NADK: variants seen among roughly 807,000 people sequenced by gnomAD.
NADK encodes the protein poly(P)/ATP NAD kinase.
NADK carries 22 observed loss-of-function variants against 49.8 expected under a neutral mutation model. The observed-to-expected ratio is 0.44, with a 90% CI of 0.32 to 0.63. The LOEUF (loss-of-function observed/expected upper bound fraction) is 0.63. Among genes scored for constraint, NADK ranks in the 30% least tolerant of loss-of-function variants. The pLI, the probability that NADK is intolerant of heterozygous loss-of-function variation, is 0.06. For synonymous variants in NADK, 268 were observed against 253.7 expected (o/e 1.06, Z -0.54); for missense variants, 438 against 609.4 (o/e 0.72, Z 2.96).
At position 1,766,754 on chromosome 1, in the gene NADK, A is replaced by G. The variant is rs371588761; in HGVS notation, c.-40-1308T>C. Among the ~76,000 whole-genome samples, 47 of 150,588 alleles carry G rather than the reference A, an allele frequency of 3.1e-4. No individual in the cohort carries two copies. The East Asian group carries it at 8.4e-3, about 27-fold the overall frequency. ...CAAGTAGCTGGGACTACAGGAGTACAGCACCACGTCCAGCTAATTTTTTTT... is the reference window on the plus strand; with the variant it reads ...CAAGTAGCTGGGACTACAGGAGTACGGCACCACGTCCAGCTAATTTTTTTT... On this transcript the variant is annotated intron_variant, in intron 1 of 11. Coordinates refer to ENST00000341426, the MANE Select transcript of NADK (RefSeq NM_023018.5).
intron 1 of NADK, among the ~76,000 whole-genome samples, chr1:1,765,992 G>A (rs966342795): frequency 9.2e-5 from 14 of 152,172 alleles, no homozygotes; most frequent in African/African-American, 3.4e-4. Context: ...GTGTGGCCAG[G>A]TGTGGTGGCT....
At chr1:1,773,709 T>TGAGAGAGA (rs1209994797) in intron 1 of NADK, among the ~76,000 whole-genome samples, 1 of 99,196 alleles carries the variant, frequency 1.0e-5, no homozygotes, top group Admixed American at 1.1e-4. Flanking sequence ...TGTGTGTGTG[T>TGAGAGAGA]GTGTGTGTGT....
intron 11 of NADK, 100 bp downstream of exon 11, chr1:1,753,467 G>T: frequency 1.1e-6 from 1 of 942,646 alleles, no homozygotes; most frequent in East Asian, 2.6e-5. Flanking sequence ...GGTGCCCTAG[G>T]GGACAAGCTG....
chr1:1,777,157 G>A (rs371382798), intron 1 of NADK, among the ~76,000 whole-genome samples: 4 of 152,222 alleles, frequency 2.6e-5, no homozygotes, highest in East Asian at 3.9e-4. Flanking sequence ...TGGGTACTGC[G>A]GTGGCACCTG....
At chr1:1,755,032 G>T (rs1645467556) in intron 7 of NADK, 1 of 402,820 alleles carries the variant, frequency 2.5e-6, no homozygotes, top group Non-Finnish European at 4.5e-6. Flanking sequence ...GTGTTGGCCA[G>T]GATGGTCTCA....
In NADK at chr1:1,756,246, T is replaced by A. The variant is rs746428779; in HGVS notation, c.585+12A>T. The A allele has an allele frequency of 5.6e-6, 9 of 1,613,006 alleles. No homozygotes were observed. Among genetic ancestry groups the A allele is most frequent in the Admixed American group, 1.7e-5 (1 of 60,004 alleles). ...AGAACCTGGTGTGGGTCTGGAAATG[T>A]CAGCGCTTCACCTGGAAAAGCGAGG... On this transcript the variant is annotated intron_variant, in intron 6 of 11. Transcript: ENST00000341426.
intron 2 of NADK, 139 bp from the exon 3 acceptor site, chr1:1,762,174 C>A (rs1645745224): frequency 4.1e-6 from 3 of 728,558 alleles, no homozygotes; most frequent in Non-Finnish European, 2.3e-6. Context: ...AGCAGCCACA[C>A]AATAGCCCTT....
chr1:1,765,111 T>G, intron 2 of NADK, 117 bp downstream of exon 2: 1 of 1,061,402 alleles, frequency 9.4e-7, no homozygotes, highest in Non-Finnish European at 1.3e-6. Flanking sequence ...GGACCCAGCC[T>G]CACCTTCCGG....
At chr1:1,760,702 A>G (rs1645694202) in intron 3 of NADK, among the ~76,000 whole-genome samples, 1 of 150,620 alleles carries the variant, frequency 6.6e-6, no homozygotes, top group Non-Finnish European at 1.5e-5. Context: ...CGTTCTGCAC[A>G]GAGGAAGAGA....
At chr1:1,753,716 C>A in intron 10 of NADK, 67 bp from the exon 11 acceptor site, 1 of 1,396,440 alleles carries the variant, frequency 7.2e-7, no homozygotes, top group Non-Finnish European at 1.0e-6. Context: ...GCACCCACCC[C>A]TGAGTGCTCG....
At chr1:1,762,056 C>T in intron 2 of NADK, 21 bp from the exon 3 acceptor site, 1 of 1,607,704 alleles carries the variant, frequency 6.2e-7, no homozygotes, top group Admixed American at 1.7e-5. Flanking sequence ...AGGGCAGTGT[C>T]AGAGCCACCA....
At chr1:1,753,489 C>T in intron 11 of NADK, 78 bp downstream of exon 11, 3 of 1,271,816 alleles carry the variant, frequency 2.4e-6, no homozygotes, top group Non-Finnish European at 3.3e-6. Context: ...GTCTACAGGC[C>T]AACCGCAAGA....
At chr1:1,773,728 G>C (rs1186593012) in intron 1 of NADK, among the ~76,000 whole-genome samples, 3 of 147,100 alleles carry the variant, frequency 2.0e-5, no homozygotes, top group Non-Finnish European at 4.5e-5. Flanking sequence ...GTGTGTGTGT[G>C]TGAGAGAGAG....
Position 1,756,520 on chromosome 1 carries a change from A to G in NADK, c.482T>C (p.Phe161Ser). 1.2e-6 allele frequency: 2 copies of G among 1,614,022 alleles called. No individual in the cohort carries two copies. The highest frequency in any genetic ancestry group is 2.2e-5 in the South Asian group (2 of 91,092). The change falls in exon 5 of 12, where the codon TTC (phenylalanine) becomes TCC (serine). Residue 161 changes from phenylalanine (F) to serine (S), a missense_variant. Phe to Ser is a radical substitution (Grantham distance 155). Transcript: ENST00000341426. Reference protein sequence around the residue: ...DESFGAVKKKFCTFREDYDDI... With the variant: ...DESFGAVKKKSCTFREDYDDI... ...CAGCCCACCTTCTCGAAAGGTACAG[A>G]ATTTCTTCTTCACTGCCCCAAAGCT...
intron 10 of NADK, 129 bp from the exon 11 acceptor site, chr1:1,753,778 G>A (rs1221731205): frequency 1.2e-6 from 1 of 857,982 alleles, no homozygotes; most frequent in Non-Finnish European, 1.8e-6. Context: ...ACGGTGCAGT[G>A]CACGTCCTAC....
At chr1:1,774,291 C>T (rs1409277478) in intron 1 of NADK, among the ~76,000 whole-genome samples, 3 of 151,910 alleles carry the variant, frequency 2.0e-5, no homozygotes, top group Non-Finnish European at 4.4e-5. Context: ...AGTGCAGTGG[C>T]GCGATCTCGG....
At chr1:1,753,485 A>G (rs1570493524) in intron 11 of NADK, 82 bp downstream of exon 11, 7 of 1,193,784 alleles carry the variant, frequency 5.9e-6, no homozygotes, top group East Asian at 2.5e-5. Context: ...CTGTGTCTAC[A>G]GGCCAACCGC....
At chr1:1,775,827 T>C (rs1370790846) in intron 1 of NADK, among the ~76,000 whole-genome samples, 15 of 152,202 alleles carry the variant, frequency 9.9e-5, no homozygotes. Context: ...CTAGGACCTT[T>C]GCAATTGTGG....
In NADK at chr1:1,757,215, T is replaced by C; in HGVS notation, c.359A>G (p.Gln120Arg). The change falls in exon 4 of 12, where the codon CAG becomes CGG. Residue 120 changes from glutamine to arginine, a missense_variant. Coordinates refer to ENST00000341426, the MANE Select transcript of NADK (RefSeq NM_023018.5). ...GTGCGTGCAGAGCTCCTTGAACGGC[T>C]GCAGTAGGCTGGCATCTCTCATCTT... ...IKKMRDASLL[Q>R]PFKELCTHLM... 6.3e-7 allele frequency: 1 copy of C among 1,584,266 alleles called. No individual in the cohort carries two copies. The highest frequency in any genetic ancestry group is 8.6e-7 in the Non-Finnish European group (1 of 1,163,026).
Sources: allele counts gnomAD v4.1 joint callset (sites outside exome capture counted in the v4.1 genomes callset), GRCh38; gene constraint gnomAD v4.1.1; transcripts MANE v1.5; gene names NCBI Gene and HGNC (gene_info 2026-07-23, HGNC 2026-07-21).